Variants in ANKRD44 observed in about 807,000 individuals in gnomAD.
The protein encoded by ANKRD44 is serine/threonine-protein phosphatase 6 regulatory ankyrin repeat subunit B.
ANKRD44 carries 35 observed loss-of-function variants against 116.0 expected under a neutral mutation model. That is an observed-to-expected ratio of 0.30 (90% confidence interval 0.23 to 0.40). ANKRD44 has a LOEUF of 0.40. Among genes scored for constraint, ANKRD44 ranks in the 10% least tolerant of loss-of-function variants. The probability of loss-of-function intolerance (pLI) is 1.00; values close to 1 mark genes in which losing one functional copy is unlikely to be tolerated. For synonymous variants in ANKRD44, 435 were observed against 461.8 expected (o/e 0.94, Z 0.74); for missense variants, 1,014 against 1,242.6 (o/e 0.82, Z 2.77).
intron 1 of ANKRD44, among the ~76,000 whole-genome samples, chr2:197,299,687 T>C (rs1236594257): frequency 6.6e-6 from 1 of 152,112 alleles, no homozygotes; most frequent in Non-Finnish European, 1.5e-5. Flanking sequence ...AGGGAAATGG[T>C]GAGAAAGGAG....
At chr2:196,967,572 CAAGT>C in intron 21 of ANKRD44, 1 of 373,962 alleles carries the variant, frequency 2.7e-6, no homozygotes, top group South Asian at 1.9e-5. Flanking sequence ...GGGGAATGCT[CAAGT>C]AAGGAAAATA....
intron 9 of ANKRD44, among the ~76,000 whole-genome samples, chr2:197,107,548 G>A (rs1042682155): frequency 4.9e-4 from 74 of 152,050 alleles, no homozygotes; most frequent in Admixed American, 4.8e-3. Flanking sequence ...TACTAAAGCT[G>A]GATGATTCTG....
intron 1 of ANKRD44, among the ~76,000 whole-genome samples, chr2:197,246,366 T>TTTTTTTTTG (rs2082192613): frequency 7.3e-6 from 1 of 137,586 alleles, no homozygotes; most frequent in Non-Finnish European, 1.5e-5. Flanking sequence ...TTTTTTTTTT[T>TTTTTTTTTG]TTTTTTTTTA....
intron 16 of ANKRD44, among the ~76,000 whole-genome samples, chr2:197,034,178 CTA>C (rs1341425430): frequency 6.6e-6 from 1 of 151,554 alleles, no homozygotes. Context: ...CAACCTCAAC[CTA>C]TCTTGTCAAA....
chr2:197,222,306 G>A (rs564146467), intron 1 of ANKRD44, among the ~76,000 whole-genome samples: 1 of 152,158 alleles, frequency 6.6e-6, no homozygotes, highest in African/African-American at 2.4e-5. Flanking sequence ...AACTTCTTGA[G>A]CCATAGCTGA....
chr2:197,187,931 T>C (rs938379591), intron 1 of ANKRD44, among the ~76,000 whole-genome samples: 3 of 152,224 alleles, frequency 2.0e-5, no homozygotes, highest in African/African-American at 7.2e-5. Context: ...TACTTCTTGT[T>C]AGACAATGTT....
chr2:197,297,643 G>C (rs2083762621), intron 1 of ANKRD44, among the ~76,000 whole-genome samples: 1 of 152,088 alleles, frequency 6.6e-6, no homozygotes, highest in Non-Finnish European at 1.5e-5. Context: ...ACATAGCCCA[G>C]GTCTCCAGAC....
At chr2:197,104,189 C>T (rs1315222380) in intron 9 of ANKRD44, among the ~76,000 whole-genome samples, 1 of 152,154 alleles carries the variant, frequency 6.6e-6, no homozygotes, top group Admixed American at 6.5e-5. Context: ...GACACAGTCT[C>T]GGCTCACTGC....
chr2:197,024,594 G>C (rs1161930407), intron 17 of ANKRD44, among the ~76,000 whole-genome samples: 1 of 152,158 alleles, frequency 6.6e-6, no homozygotes, highest in Non-Finnish European at 1.5e-5. Context: ...TTCAATTACT[G>C]GGATGTGGAG....
At chr2:197,091,223 C>T (rs2078036616) in intron 10 of ANKRD44, among the ~76,000 whole-genome samples, 1 of 152,238 alleles carries the variant, frequency 6.6e-6, no homozygotes, top group African/African-American at 2.4e-5. Context: ...GATGCTGCTG[C>T]AGAGCCTGCA....
rs551702555 is a variant in ANKRD44, at chr2:197,093,637, C to G, written c.1101-3605G>C. Among the ~76,000 whole-genome samples the G allele has an allele frequency of 3.3e-5, 5 of 152,206 alleles. No individual in the cohort carries two copies. The South Asian group carries it at 1.0e-3, about 32-fold the overall frequency. ...CAAATAGTAAAACTAAGTTTCAAGT[C>G]AAGATTGGAAATAAAAGAAAAGCAG... On this transcript the variant is annotated intron_variant, in intron 10 of 27. Transcript: ENST00000282272.
chr2:196,970,410 T>C (rs1413673302), intron 21 of ANKRD44, among the ~76,000 whole-genome samples: 1 of 152,230 alleles, frequency 6.6e-6, no homozygotes, highest in African/African-American at 2.4e-5. Context: ...AAGGAAGCTT[T>C]AAGCTGTTTG....
intron 16 of ANKRD44, among the ~76,000 whole-genome samples, chr2:197,052,116 G>A (rs931659491): frequency 6.6e-6 from 1 of 152,160 alleles, no homozygotes; most frequent in African/African-American, 2.4e-5. Context: ...AAGGAATTTA[G>A]TCAACATGGA....
intron 1 of ANKRD44, among the ~76,000 whole-genome samples, chr2:197,225,803 G>A (rs540793675): frequency 6.6e-6 from 1 of 152,324 alleles, no homozygotes; most frequent in African/African-American, 2.4e-5. Flanking sequence ...GGACTTAAAA[G>A]GTGATATGGG....
At chr2:197,080,606 T>G (rs926974515) in intron 15 of ANKRD44, among the ~76,000 whole-genome samples, 3 of 152,238 alleles carry the variant, frequency 2.0e-5, no homozygotes. Context: ...TTTGGGGGTA[T>G]TAAAGCAAAA....
At chr2:197,069,227 C>G (rs940626465) in intron 16 of ANKRD44, among the ~76,000 whole-genome samples, 3 of 151,908 alleles carry the variant, frequency 2.0e-5, no homozygotes, top group African/African-American at 7.2e-5. Context: ...CATGTTCTCA[C>G]TCATAGGTGG....
intron 1 of ANKRD44, among the ~76,000 whole-genome samples, chr2:197,218,544 C>T (rs1237274031): frequency 1.3e-5 from 2 of 152,086 alleles, no homozygotes; most frequent in African/African-American, 4.8e-5. Flanking sequence ...GTTGAAGGGC[C>T]ACTTTCTCCA....
chr2:196,975,401 T>A (rs892255404), intron 21 of ANKRD44, among the ~76,000 whole-genome samples: 1 of 152,170 alleles, frequency 6.6e-6, no homozygotes. Flanking sequence ...ATCAGAATGA[T>A]AAAAATCTTT....
intron 16 of ANKRD44, among the ~76,000 whole-genome samples, chr2:197,068,938 C>G (rs1241029670): frequency 6.6e-6 from 1 of 152,164 alleles, no homozygotes; most frequent in African/African-American, 2.4e-5. Flanking sequence ...CCCAGCCATC[C>G]CATTACTGGG....
Sources: allele counts gnomAD v4.1 joint callset (sites outside exome capture counted in the v4.1 genomes callset), GRCh38; gene constraint gnomAD v4.1.1; transcripts MANE v1.5; gene names NCBI Gene and HGNC (gene_info 2026-07-23, HGNC 2026-07-21).